FAM120B: variants seen among roughly 807,000 people sequenced by gnomAD.
FAM120B encodes the protein constitutive coactivator of peroxisome proliferator-activated receptor gamma.
FAM120B carries 83 observed loss-of-function variants against 96.3 expected under a neutral mutation model. That is an observed-to-expected ratio of 0.86 (90% CI 0.72 to 1.03). The LOEUF (loss-of-function observed/expected upper bound fraction) is 1.03, where lower values mean the gene tolerates loss of function less well. Among genes scored for constraint, FAM120B ranks in the 50% least tolerant of loss-of-function variants. The probability of loss-of-function intolerance (pLI) is 0.00; values close to 1 mark genes in which losing one functional copy is unlikely to be tolerated. For missense variants in FAM120B, 1,027 were observed against 1,121.2 expected (o/e 0.92, Z 1.20); for synonymous variants, 407 against 402.7 (o/e 1.01, Z -0.13).
At chr6:170,305,034 G>A (rs1014979963), upstream of FAM120B, among the ~76,000 whole-genome samples, 1 of 152,040 alleles carries the variant, frequency 6.6e-6, no homozygotes, top group Admixed American at 6.5e-5. Flanking sequence ...GGTGGAAAGT[G>A]GGCAAGAGAG....
At position 170,386,876 on chromosome 6, in the gene FAM120B, G is replaced by A. The variant is rs546314858; in HGVS notation, c.2284-1411G>A. Among the ~76,000 whole-genome samples the A allele has an allele frequency of 8.5e-5, 13 of 152,280 alleles. No individual in the cohort carries two copies. The East Asian group carries it at 2.3e-3, about 27-fold the overall frequency. On this transcript the variant is annotated intron_variant, in intron 6 of 10. Transcript: ENST00000476287. The stretch of plus-strand genomic sequence containing the variant: ...ACTAACAAATCAAATCCAGCAATAT[G>A]TAAAACCAATAATACATGATGACCA...
chr6:170,366,620 G>A (rs1788818553), intron 6 of FAM120B, among the ~76,000 whole-genome samples: 1 of 152,204 alleles, frequency 6.6e-6, no homozygotes, highest in Admixed American at 6.5e-5. Flanking sequence ...AGAGCTCAGG[G>A]CCAGCATGGT....
At chr6:170,384,044 C>G (rs1451610933) in intron 6 of FAM120B, among the ~76,000 whole-genome samples, 5 of 152,166 alleles carry the variant, frequency 3.3e-5, no homozygotes, top group Non-Finnish European at 7.3e-5. Flanking sequence ...CCCAAAAGGT[C>G]ACATATTACA....
upstream of FAM120B, among the ~76,000 whole-genome samples, chr6:170,304,492 T>TTCTCTTTTATCTC (rs1315612868): frequency 1.4e-3 from 205 of 149,410 alleles, no homozygotes; most frequent in African/African-American, 4.7e-3. Context: ...AAGATTTTCC[T>TTCTCTTTTATCTC]TCTCTTTTAT....
At chr6:170,330,905 G>A (rs916758568) in intron 4 of FAM120B, 2 of 225,090 alleles carry the variant, frequency 8.9e-6, no homozygotes, top group Non-Finnish European at 8.8e-6. Flanking sequence ...CTTGGTAGAC[G>A]TCCAGAGTTT....
At chr6:170,359,619 T>C (rs1365956532) in intron 6 of FAM120B, among the ~76,000 whole-genome samples, 2 of 152,062 alleles carry the variant, frequency 1.3e-5, no homozygotes, top group Admixed American at 6.5e-5. Context: ...CATGTGTGTG[T>C]GTGGAGACGA....
At chr6:170,293,188 G>C (rs549146563), upstream of FAM120B, among the ~76,000 whole-genome samples, 1 of 152,112 alleles carries the variant, frequency 6.6e-6, no homozygotes, top group African/African-American at 2.4e-5. Flanking sequence ...CTGGGGGTGG[G>C]GGTGAGGGTA....
At chr6:170,399,570 G>A (rs1373507595) in intron 9 of FAM120B, among the ~76,000 whole-genome samples, 4 of 151,020 alleles carry the variant, frequency 2.6e-5, no homozygotes, top group African/African-American at 9.7e-5. Flanking sequence ...GAGAAAGGTA[G>A]AACTATGTCA....
At chr6:170,291,292 C>G (rs886421399), upstream of FAM120B, among the ~76,000 whole-genome samples, 1 of 152,084 alleles carries the variant, frequency 6.6e-6, no homozygotes, top group African/African-American at 2.4e-5. Flanking sequence ...CCACAGACGC[C>G]CAGAGACCCT....
At chr6:170,395,436 G>C in intron 8 of FAM120B, 51 bp from the exon 9 acceptor site, 1 of 1,399,284 alleles carries the variant, frequency 7.1e-7, no homozygotes, top group East Asian at 2.5e-5. Context: ...TGTGTCATTT[G>C]GGTTAAGACA....
chr6:170,398,847 C>T (rs1778366287), intron 9 of FAM120B, among the ~76,000 whole-genome samples: 1 of 151,462 alleles, frequency 6.6e-6, no homozygotes, highest in African/African-American at 2.4e-5. Context: ...TATGTCATAA[C>T]TCTTAGAAGT....
chr6:170,344,287 C>T (rs13206976), intron 4 of FAM120B, among the ~76,000 whole-genome samples: 2 of 113,864 alleles, frequency 1.8e-5, no homozygotes, highest in East Asian at 2.7e-4. Flanking sequence ...TCACCTGCAC[C>T]GTTGCCTGCG....
At chr6:170,324,697 A>G (rs1255334055) in intron 3 of FAM120B, among the ~76,000 whole-genome samples, 1 of 152,226 alleles carries the variant, frequency 6.6e-6, no homozygotes, top group Non-Finnish European at 1.5e-5. Context: ...TAAAAAAACC[A>G]TTCACATTGA....
chr6:170,361,210 A>G (rs1191302597), intron 6 of FAM120B, among the ~76,000 whole-genome samples: 86 of 96,508 alleles, frequency 8.9e-4, no homozygotes, highest in African/African-American at 2.2e-3. Flanking sequence ...ATATATATAT[A>G]TATATATATA....
chr6:170,362,796 C>A (rs921206825), intron 6 of FAM120B, among the ~76,000 whole-genome samples: 1 of 151,900 alleles, frequency 6.6e-6, no homozygotes, highest in Non-Finnish European at 1.5e-5. Context: ...ATCCTCCCAC[C>A]TCAGCCTTCC....
Position 170,317,570 on chromosome 6 carries a change from C to T in FAM120B, c.180C>T (p.Cys60=), listed in dbSNP as rs375605608. The T allele has an allele frequency of 2.5e-6, 4 of 1,614,150 alleles. No individual in the cohort carries two copies. Among genetic ancestry groups the T allele is most frequent in the African/African-American group, 1.3e-5 (1 of 75,034 alleles). Residue 60 remains cysteine (C), a synonymous_variant, in exon 2 of 11, where the codon TGC becomes TGT. Coordinates refer to ENST00000476287, the MANE Select transcript of FAM120B (RefSeq NM_032448.3). ...GGTATACTCCAGAATCTTGGATCTG[C>T]GGTGGCCAGTGGCGAGAATACTTTT... is the stretch of plus-strand genomic sequence containing the variant. The part of the protein sequence containing the change: ...RYWYTPESWI[C]GGQWREYFSA...
rs1022025026 is a variant in FAM120B at position 170,319,135 on chromosome 6, C to T, written c.1734+11C>T. 3 of 1,535,938 alleles carry T rather than the reference C, an allele frequency of 2.0e-6. No homozygotes were observed. In the African/African-American group the frequency reaches 4.2e-5, roughly 21 times the overall value. ...ACTGAAATCTTAAAGGTATGTGTAT[C>T]TGCCCAGCCAATATGCCATGATTGA... On this transcript the variant is annotated intron_variant, in intron 2 of 10. Transcript: ENST00000476287.
In FAM120B at chr6:170,404,977, AAACAATCATTGTT is replaced by A; in HGVS notation, c.*231_*243del. 4.7e-6 allele frequency: 1 copy of A among 212,946 alleles called. No homozygotes were observed. The highest frequency in any genetic ancestry group is 1.3e-4 in the South Asian group (1 of 7,470). The allele number at this position is 212,946 out of a possible 1,614,324, so 13.2% of individuals were successfully genotyped here. A position where few individuals can be genotyped will look rare whatever the true frequency, so the allele number is the denominator to read the frequency against. On this transcript the variant is annotated 3_prime_UTR_variant, in exon 11 of 11. Transcript: ENST00000476287. ...AGCTTGTGCCTGATTCTGTGGCCCAAAACAATCATTGTTAACATCTTCATGTGTTTCATTCTGA... is the reference window on the plus strand; with the variant it reads ...AGCTTGTGCCTGATTCTGTGGCCCAAAACATCTTCATGTGTTTCATTCTGA...
intron 4 of FAM120B, among the ~76,000 whole-genome samples, chr6:170,334,927 TTC>T (rs1241789836): frequency 6.6e-6 from 1 of 152,156 alleles, no homozygotes; most frequent in African/African-American, 2.4e-5. Context: ...TGTAAATGTA[TTC>T]TGTTTTGTTT....
Sources: allele counts gnomAD v4.1 joint callset (sites outside exome capture counted in the v4.1 genomes callset), GRCh38; gene constraint gnomAD v4.1.1; transcripts MANE v1.5; gene names NCBI Gene and HGNC (gene_info 2026-07-23, HGNC 2026-07-21).